DIP2C: variants seen among roughly 807,000 people sequenced by gnomAD.
DIP2C encodes the protein DIP2 acetate--CoA ligase C (putative).
A neutral mutation model predicts 192.4 loss-of-function variants in DIP2C; 33 were observed. The observed-to-expected ratio is 0.17, with a 90% CI of 0.13 to 0.23. The LOEUF (loss-of-function observed/expected upper bound fraction) is 0.23, where lower values mean the gene tolerates loss of function less well. Among genes scored for constraint, DIP2C ranks in the 10% least tolerant of loss-of-function variants. The pLI is 1.00. For synonymous variants in DIP2C, 979 were observed against 864.1 expected (o/e 1.13, Z -2.33); for missense variants, 1,537 against 2,110.1 (o/e 0.73, Z 5.32).
intron 1 of DIP2C, chr10:650,640 G>A (rs950460929): frequency 6.5e-5 from 40 of 615,962 alleles, no homozygotes; most frequent in African/African-American, 1.7e-4. Flanking sequence ...GGCCGGAGGC[G>A]GGGAAGCCAT....
At chr10:344,480 T>TA (rs1282530183) in intron 28 of DIP2C, among the ~76,000 whole-genome samples, 1 of 152,136 alleles carries the variant, frequency 6.6e-6, no homozygotes, top group Non-Finnish European at 1.5e-5. Flanking sequence ...GAGCCCAGGT[T>TA]AAAACGCTAG....
intron 1 of DIP2C, among the ~76,000 whole-genome samples, chr10:490,521 C>A (rs1844355071): frequency 6.6e-6 from 1 of 152,184 alleles, no homozygotes. Flanking sequence ...CGGGGAGGCC[C>A]TCCGGGAGGC....
chr10:455,392 GTAAATGAGATGAAAA>G (rs1969216966), intron 3 of DIP2C, among the ~76,000 whole-genome samples: 9 of 115,342 alleles, frequency 7.8e-5, no homozygotes, highest in African/African-American at 2.8e-4. Context: ...ACCGTGAGGA[GTAAATGAGATGAAAA>G]CACTCTGCAG....
intron 1 of DIP2C, among the ~76,000 whole-genome samples, chr10:611,629 T>C (rs536238580): frequency 6.6e-6 from 1 of 152,176 alleles, no homozygotes; most frequent in Non-Finnish European, 1.5e-5. Context: ...TGCACTTCCC[T>C]TGCTCTGAAC....
At position 382,506 on chromosome 10, in the gene DIP2C, CAG is replaced by C. The variant is rs200361132; in HGVS notation, c.1991+139_1991+140del. 2,946 of 627,558 alleles carry C rather than the reference CAG, an allele frequency of 4.7e-3. 28 individuals carry two copies. Among genetic ancestry groups the C allele is most frequent in the Middle Eastern group, 0.015 (52 of 3,396 alleles). The allele number at this position is 627,558 out of a possible 1,614,324, so 38.9% of individuals were successfully genotyped here. A position where few individuals can be genotyped will look rare whatever the true frequency, so the allele number is the denominator to read the frequency against. ...AAGAATCTGTTCCAGCACATAAAAA[CAG>C]AAATAAACTCATCTTGAAAGGTTAG... On this transcript the variant is annotated intron_variant, in intron 17 of 36. Transcript: ENST00000280886.
intron 1 of DIP2C, among the ~76,000 whole-genome samples, chr10:620,367 C>G (rs1277820528): frequency 1.3e-5 from 2 of 152,106 alleles, no homozygotes; most frequent in African/African-American, 2.4e-5. Flanking sequence ...AAACCACAGG[C>G]CTGTTTTCTT....
At chr10:611,418 G>A (rs1198312625) in intron 1 of DIP2C, among the ~76,000 whole-genome samples, 4 of 152,202 alleles carry the variant, frequency 2.6e-5, no homozygotes, top group Non-Finnish European at 5.9e-5. Context: ...CTACCCAGCG[G>A]CCATCAAGGT....
chr10:287,245 G>A (rs1226621565), intron 33 of DIP2C, among the ~76,000 whole-genome samples: 3 of 151,958 alleles, frequency 2.0e-5, no homozygotes, highest in Non-Finnish European at 4.4e-5. Context: ...CACTGGCTCT[G>A]GCCAGAATTT....
chr10:527,582 A>T (rs1847126521), intron 1 of DIP2C, among the ~76,000 whole-genome samples: 1 of 152,250 alleles, frequency 6.6e-6, no homozygotes, highest in Non-Finnish European at 1.5e-5. Context: ...TGTACTACAG[A>T]GTGTCAAATA....
At position 390,142 on chromosome 10, in the gene DIP2C, GT is replaced by G. The variant is rs201598542; in HGVS notation, c.1495-50del. 5,290 of 1,594,898 alleles carry G rather than the reference GT, an allele frequency of 3.3e-3. 34 individuals carry two copies. The highest frequency in any genetic ancestry group is 0.015 in the Middle Eastern group (92 of 5,996). ...GAAGTGGGGCTGACAGGTCACGGCA[GT>G]TTTTCTGGTTACTTGAGGTTCTCCA... On this transcript the variant is annotated intron_variant, in intron 12 of 36. Coordinates refer to ENST00000280886, the MANE Select transcript of DIP2C (RefSeq NM_014974.3).
intron 2 of DIP2C, chr10:484,812 T>G: frequency 6.2e-7 from 1 of 1,611,466 alleles, no homozygotes; most frequent in East Asian, 2.2e-5. Flanking sequence ...GCCGGTTCCC[T>G]GCGGTGCTGG....
At chr10:669,622 G>T (rs575958532) in intron 1 of DIP2C, 2 of 152,206 alleles carry the variant, frequency 1.3e-5, no homozygotes, top group Non-Finnish European at 2.9e-5. Flanking sequence ...TATGATGCAG[G>T]TAAGAGGCAG....
At chr10:545,166 CT>C (rs60185327) in intron 1 of DIP2C, among the ~76,000 whole-genome samples, 2,207 of 86,340 alleles carry the variant, frequency 0.026, 20 homozygotes, top group African/African-American at 0.082. Flanking sequence ...GGTGTTTTCC[CT>C]TTTTTTTTTT....
intron 29 of DIP2C, among the ~76,000 whole-genome samples, chr10:332,478 T>TA (rs1191576819): frequency 6.6e-6 from 1 of 152,216 alleles, no homozygotes; most frequent in African/African-American, 2.4e-5. Flanking sequence ...CATGATTTCC[T>TA]AATTGCCCTT....
At chr10:454,757 G>A (rs1438171978) in intron 3 of DIP2C, among the ~76,000 whole-genome samples, 1 of 151,846 alleles carries the variant, frequency 6.6e-6, no homozygotes, top group Non-Finnish European at 1.5e-5. Context: ...CACCCTCTAT[G>A]CTCGATGTCA....
At chr10:448,156 G>T (rs1279992793) in intron 3 of DIP2C, among the ~76,000 whole-genome samples, 1 of 124,522 alleles carries the variant, frequency 8.0e-6, no homozygotes, top group Non-Finnish European at 1.5e-5. Flanking sequence ...GGGGCAGCAG[G>T]ACCCGCTCAC....
chr10:387,938 T>C, intron 13 of DIP2C, 129 bp from the exon 14 acceptor site: 1 of 1,098,132 alleles, frequency 9.1e-7, no homozygotes, highest in Non-Finnish European at 1.4e-6. Context: ...TGCCGTATCT[T>C]GGTGGAAATT....
intron 1 of DIP2C, among the ~76,000 whole-genome samples, chr10:500,035 G>A (rs971681470): frequency 6.6e-6 from 1 of 152,242 alleles, no homozygotes; most frequent in African/African-American, 2.4e-5. Flanking sequence ...CAGGGCCACT[G>A]AGAGCAAGTT....
chr10:626,090 C>G (rs1403978476), intron 1 of DIP2C, among the ~76,000 whole-genome samples: 2 of 152,216 alleles, frequency 1.3e-5, no homozygotes, highest in African/African-American at 4.8e-5. Context: ...ACACACAAAG[C>G]AAGATCCACT....
Sources: allele counts gnomAD v4.1 joint callset (sites outside exome capture counted in the v4.1 genomes callset), GRCh38; gene constraint gnomAD v4.1.1; transcripts MANE v1.5; gene names NCBI Gene and HGNC (gene_info 2026-07-23, HGNC 2026-07-21).